Variants in MAGI1 observed in about 807,000 individuals in gnomAD.
MAGI1 encodes membrane associated guanylate kinase, WW and PDZ domain containing 1.
Under a neutral mutation model 139.9 loss-of-function variants are expected in MAGI1, and 58 were observed. The ratio of observed to expected loss-of-function variants is 0.41; its 90% CI spans 0.34 to 0.52. The LOEUF (loss-of-function observed/expected upper bound fraction) is 0.52, where lower values mean the gene tolerates loss of function less well. Among genes scored for constraint, MAGI1 ranks in the 20% least tolerant of loss-of-function variants. The pLI is 0.12. For missense variants in MAGI1, 1,874 were observed against 1,901.6 expected, an observed-to-expected ratio of 0.99 and a Z score of 0.27; for synonymous variants, 812 against 737.9, an observed-to-expected ratio of 1.10 and a Z score of -1.63.
chr3:65,662,636 G>A (rs752204303), intron 1 of MAGI1, among the ~76,000 whole-genome samples: 1 of 152,066 alleles, frequency 6.6e-6, no homozygotes, highest in African/African-American at 2.4e-5. Context: ...GTTTTGATAT[G>A]CATATAAGTA....
intron 1 of MAGI1, among the ~76,000 whole-genome samples, chr3:65,630,805 A>G (rs998510149): frequency 6.6e-6 from 1 of 152,208 alleles, no homozygotes; most frequent in African/African-American, 2.4e-5. Context: ...AGAATTCACC[A>G]CTAAAGAACT....
At position 65,875,553 on chromosome 3, in the gene MAGI1, T is replaced by G. The variant is rs143579653; in HGVS notation, c.313+162443A>C. Among the ~76,000 whole-genome samples the G allele has an allele frequency of 6.3e-4, 96 of 152,262 alleles. 2 individuals are homozygous for G. In the East Asian group the frequency reaches 0.017, roughly 27 times the overall value. On this transcript the variant is annotated intron_variant, in intron 1 of 22. Coordinates refer to ENST00000402939, the MANE Select transcript of MAGI1 (RefSeq NM_001033057.2). The stretch of plus-strand genomic sequence containing the variant: ...ACATGACTATGACCAATGTCAGAGG[T>G]GCACAGATCTATTTGTAGCTCTGCC...
chr3:65,400,260 G>A (rs1248233642), intron 13 of MAGI1, among the ~76,000 whole-genome samples: 1 of 152,126 alleles, frequency 6.6e-6, no homozygotes, highest in Admixed American at 6.6e-5. Flanking sequence ...AATCACCACG[G>A]CACTATGCCA....
At chr3:65,632,043 A>G (rs1020549756) in intron 1 of MAGI1, among the ~76,000 whole-genome samples, 23 of 150,984 alleles carry the variant, frequency 1.5e-4, no homozygotes, top group African/African-American at 5.4e-4. Flanking sequence ...AAAAACAGAT[A>G]TTTGCATGTC....
rs555279529 is a variant in MAGI1, at chr3:65,962,118, T to C, written c.313+75878A>G. On this transcript the variant is annotated intron_variant, in intron 1 of 22. Coordinates refer to ENST00000402939, the MANE Select transcript of MAGI1 (RefSeq NM_001033057.2). ...TTTGTTCTCATGGACATTAATCTGATTGTATTTTTTTTTTTTTTTTTTTTG... is the reference window on the plus strand; with the variant it reads ...TTTGTTCTCATGGACATTAATCTGACTGTATTTTTTTTTTTTTTTTTTTTG... Among the ~76,000 whole-genome samples, 779 of 140,088 alleles carry C rather than the reference T, an allele frequency of 5.6e-3. 26 individuals are homozygous for C. Among genetic ancestry groups the C allele is most frequent in the Non-Finnish European group, 1.8e-3 (116 of 66,252 alleles). 91.9% of individuals were successfully genotyped at this position (140,088 alleles called of 152,430 possible).
At chr3:65,678,593 A>T (rs1052910667) in intron 1 of MAGI1, among the ~76,000 whole-genome samples, 3 of 152,106 alleles carry the variant, frequency 2.0e-5, no homozygotes, top group Non-Finnish European at 4.4e-5. Flanking sequence ...GCACTTCCTC[A>T]AGTCCATGCC....
intron 1 of MAGI1, among the ~76,000 whole-genome samples, chr3:65,921,764 C>G (rs1184786985): frequency 6.6e-6 from 1 of 152,046 alleles, no homozygotes; most frequent in African/African-American, 2.4e-5. Flanking sequence ...TGACAATTGT[C>G]TGTAGCCTGC....
chr3:65,502,752 T>C (rs984929659), intron 2 of MAGI1, among the ~76,000 whole-genome samples: 9 of 152,106 alleles, frequency 5.9e-5, no homozygotes, highest in Admixed American at 5.9e-4. Context: ...CCAAATACCA[T>C]TACATTAGGA....
In MAGI1 at chr3:65,361,309, C is replaced by T; in HGVS notation, c.3524G>A (p.Gly1175Asp). The T allele has an allele frequency of 1.9e-6, 3 of 1,613,846 alleles. No homozygotes were observed. The highest frequency in any genetic ancestry group is 2.2e-5 in the East Asian group (1 of 44,868). The change falls in exon 22 of 23, where the codon GGT becomes GAT. Residue 1175 changes from glycine to aspartate, a missense_variant. Transcript: ENST00000402939. ...ATGCTTCATGTTTTTGGTGGTCTCACCATTGATCTCTAAAATTTCATCACC... is the reference window on the plus strand; with the variant it reads ...ATGCTTCATGTTTTTGGTGGTCTCATCATTGATCTCTAAAATTTCATCACC... ...RIGDEILEIN[G>D]ETTKNMKHSR... is the part of the protein sequence containing the mutation.
intron 5 of MAGI1, among the ~76,000 whole-genome samples, chr3:65,461,293 G>A (rs1467831330): frequency 6.6e-6 from 1 of 151,886 alleles, no homozygotes; most frequent in African/African-American, 2.4e-5. Flanking sequence ...TCGGCTCACT[G>A]CAACCTCCAC....
chr3:65,354,505 T>G lies in MAGI1; in HGVS notation c.*1873A>C, dbSNP rs989745668. 1 of 152,654 alleles carries G rather than the reference T, an allele frequency of 6.6e-6. No homozygotes were observed. The allele number at this position is 152,654 out of a possible 1,614,324, so 9.5% of individuals were successfully genotyped here. A position where few individuals can be genotyped will look rare whatever the true frequency, so the allele number is the denominator to read the frequency against. ...CTTTTCATCAATACAGAAAGAGCAT[T>G]AAGTCCATAGCACACTGCAAGAAAT... On this transcript the variant is annotated 3_prime_UTR_variant, in exon 23 of 23. Transcript: ENST00000402939.
chr3:65,589,261 A>C (rs889402812), intron 2 of MAGI1, among the ~76,000 whole-genome samples: 2 of 152,204 alleles, frequency 1.3e-5, no homozygotes, highest in Non-Finnish European at 2.9e-5. Context: ...GATACTATGA[A>C]AACAGATTCA....
intron 1 of MAGI1, among the ~76,000 whole-genome samples, chr3:65,883,858 C>A (rs2060430885): frequency 1.3e-5 from 2 of 152,192 alleles, no homozygotes; most frequent in South Asian, 4.2e-4. Flanking sequence ...AATGTCACTC[C>A]CCCGAATAAA....
chr3:65,779,575 A>G (rs1004264069), intron 1 of MAGI1, among the ~76,000 whole-genome samples: 1 of 152,266 alleles, frequency 6.6e-6, no homozygotes, highest in Non-Finnish European at 1.5e-5. Context: ...GAATTGCACA[A>G]TCGCTTGACA....
intron 1 of MAGI1, among the ~76,000 whole-genome samples, chr3:65,777,181 CT>C (rs1019667665): frequency 6.6e-6 from 1 of 152,152 alleles, no homozygotes. Flanking sequence ...AAATATTCGA[CT>C]TTTGAGAAGC....
At chr3:65,674,642 A>T (rs1473266430) in intron 1 of MAGI1, among the ~76,000 whole-genome samples, 4 of 152,154 alleles carry the variant, frequency 2.6e-5, no homozygotes, top group Non-Finnish European at 5.9e-5. Context: ...AATAAATTTT[A>T]AAAAATTCCA....
intron 12 of MAGI1, among the ~76,000 whole-genome samples, chr3:65,410,138 A>C (rs986147979): frequency 1.3e-5 from 2 of 152,210 alleles, no homozygotes; most frequent in Non-Finnish European, 2.9e-5. Flanking sequence ...AATTGTCTCC[A>C]TGCAATTCCT....
At chr3:65,749,911 G>C (rs1281113937) in intron 1 of MAGI1, among the ~76,000 whole-genome samples, 2 of 152,074 alleles carry the variant, frequency 1.3e-5, no homozygotes, top group African/African-American at 4.8e-5. Context: ...ATGATACAGA[G>C]CTTACTTTTT....
chr3:65,997,788 C>G (rs1490767878), intron 1 of MAGI1, among the ~76,000 whole-genome samples: 2 of 152,192 alleles, frequency 1.3e-5, no homozygotes, highest in African/African-American at 2.4e-5. Context: ...CACACCCTCT[C>G]CCCCTCGACA....
Sources: gnomAD v4.1 joint callset for allele counts (sites outside exome capture counted in the v4.1 genomes callset) on GRCh38, gnomAD v4.1.1 for gene constraint, MANE v1.5 for transcripts, NCBI Gene and HGNC (gene_info 2026-07-23, HGNC 2026-07-21) for gene names.